The following SNX29 variants were observed in gnomAD, a reference collection of about 807,000 sequenced individuals.
SNX29 encodes the protein sorting nexin 29.
A neutral mutation model predicts 102.1 loss-of-function variants in SNX29; 78 were observed. The ratio of observed to expected loss-of-function variants is 0.76; its 90% CI spans 0.64 to 0.92. The LOEUF is 0.92. Ranked by LOEUF, SNX29 falls within the 40% of genes least tolerant of loss-of-function variation. The pLI is 0.00. For missense variants in SNX29, 1,280 were observed against 1,061.7 expected (o/e 1.21, Z -2.86); for synonymous variants, 580 against 414.5 (o/e 1.40, Z -4.85).
chr16:12,398,573 GA>G, intron 17 of SNX29, 72 bp downstream of exon 17: 1 of 1,539,274 alleles, frequency 6.5e-7, no homozygotes, highest in Non-Finnish European at 9.0e-7. Context: ...TGTCCCAGAA[GA>G]CCACAGGGGG....
chr16:12,509,002 C>G (rs1224706673), intron 19 of SNX29, among the ~76,000 whole-genome samples: 1 of 152,134 alleles, frequency 6.6e-6, no homozygotes, highest in Non-Finnish European at 1.5e-5. Flanking sequence ...CCGCTCAGTT[C>G]CCGGCATCCA....
chr16:12,436,356 G>T (rs1351603286), intron 18 of SNX29, among the ~76,000 whole-genome samples: 1 of 152,222 alleles, frequency 6.6e-6, no homozygotes, highest in East Asian at 1.9e-4. Context: ...ACCGTTTTTA[G>T]TACCAGGAGA....
intron 14 of SNX29, among the ~76,000 whole-genome samples, chr16:12,262,184 G>A (rs886212674): frequency 6.6e-6 from 1 of 152,242 alleles, no homozygotes; most frequent in Non-Finnish European, 1.5e-5. Flanking sequence ...ACGTGTCCCA[G>A]CTCTGCTTTG....
chr16:12,183,909 A>C (rs1051598538), intron 13 of SNX29, among the ~76,000 whole-genome samples: 1 of 152,200 alleles, frequency 6.6e-6, no homozygotes, highest in Non-Finnish European at 1.5e-5. Context: ...ACAGTTTACA[A>C]ATGCCATGGC....
chr16:12,200,940 A>G (rs2076900432), intron 14 of SNX29, among the ~76,000 whole-genome samples: 1 of 152,212 alleles, frequency 6.6e-6, no homozygotes, highest in Non-Finnish European at 1.5e-5. Flanking sequence ...CAGAGTTTCT[A>G]GTATGGTACC....
intron 19 of SNX29, among the ~76,000 whole-genome samples, chr16:12,505,714 T>G (rs2089342189): frequency 6.9e-6 from 1 of 144,212 alleles, no homozygotes; most frequent in Non-Finnish European, 1.5e-5. Context: ...TTGGCTTCTC[T>G]GGGTTCCTTA....
chr16:12,221,976 T>C (rs2077490852), intron 14 of SNX29, among the ~76,000 whole-genome samples: 1 of 152,242 alleles, frequency 6.6e-6, no homozygotes. Flanking sequence ...CCCTTCTCCC[T>C]GCCTTGGAAC....
chr16:12,549,624 C>T (rs547836610), intron 20 of SNX29, among the ~76,000 whole-genome samples: 53 of 152,358 alleles, frequency 3.5e-4, no homozygotes, highest in Middle Eastern at 3.4e-3. Flanking sequence ...GCCCTCCACA[C>T]GCTCTGTAAA....
At position 12,574,137 on chromosome 16, in the gene SNX29, A is replaced by AT. The variant is rs995112727; in HGVS notation, c.*5513dup. ...CTTATGTTAAGGTTTACATAATAGG[A>AT]TTTTTAAACAAATGTGTTTAATTTT... On this transcript the variant is annotated 3_prime_UTR_variant, in exon 21 of 21. Coordinates refer to ENST00000566228, the MANE Select transcript of SNX29 (RefSeq NM_032167.5). 5.5e-6 allele frequency: 1 copy of AT among 183,026 alleles called. No homozygotes were observed. The highest frequency in any genetic ancestry group is 2.4e-5 in the African/African-American group (1 of 42,544). 11.3% of individuals were successfully genotyped at this position (183,026 alleles called of 1,614,324 possible). A position where few individuals can be genotyped will look rare whatever the true frequency, so the allele number is the denominator to read the frequency against.
At chr16:12,490,438 A>G (rs1567617084) in intron 19 of SNX29, among the ~76,000 whole-genome samples, 1 of 152,180 alleles carries the variant, frequency 6.6e-6, no homozygotes, top group Non-Finnish European at 1.5e-5. Context: ...CAGTTTATTT[A>G]TCTTTTACTA....
At chr16:12,328,105 C>T (rs992932073) in intron 15 of SNX29, among the ~76,000 whole-genome samples, 1 of 152,188 alleles carries the variant, frequency 6.6e-6, no homozygotes. Flanking sequence ...TGGAGCTGCA[C>T]ATACCTCTCC....
chr16:12,527,404 A>G (rs955571080), intron 20 of SNX29: 1 of 462,710 alleles, frequency 2.2e-6, no homozygotes, highest in Non-Finnish European at 4.1e-6. Flanking sequence ...TAAACCCCCA[A>G]AGCATAATTA....
chr16:12,540,736 C>T (rs957157949), intron 20 of SNX29, among the ~76,000 whole-genome samples: 2 of 152,182 alleles, frequency 1.3e-5, no homozygotes, highest in East Asian at 1.9e-4. Flanking sequence ...GCTGGGCATC[C>T]TTGGGGCACC....
At chr16:12,123,786 G>C (rs896383968) in intron 11 of SNX29, among the ~76,000 whole-genome samples, 1 of 152,158 alleles carries the variant, frequency 6.6e-6, no homozygotes, top group African/African-American at 2.4e-5. Flanking sequence ...GCTGGCAAAT[G>C]TTTTCTGGAA....
At chr16:12,554,139 C>T (rs1229002770) in intron 20 of SNX29, among the ~76,000 whole-genome samples, 1 of 152,198 alleles carries the variant, frequency 6.6e-6, no homozygotes, top group African/African-American at 2.4e-5. Flanking sequence ...GGATGCTTTG[C>T]TCTTTACTGT....
chr16:12,505,156 T>A (rs1034204891), intron 19 of SNX29, among the ~76,000 whole-genome samples: 17 of 152,226 alleles, frequency 1.1e-4, no homozygotes, highest in African/African-American at 4.1e-4. Context: ...TGAATGTTTT[T>A]GGGTGGACAA....
chr16:12,564,237 A>T lies in SNX29; in HGVS notation c.2319-4269A>T, dbSNP rs186431725. Among the ~76,000 whole-genome samples the T allele has an allele frequency of 1.4e-3, 211 of 152,260 alleles. 2 individuals carry two copies. The highest frequency in any genetic ancestry group is 0.01 in the Middle Eastern group (3 of 292). On this transcript the variant is annotated intron_variant, in intron 20 of 20. Coordinates refer to ENST00000566228, the MANE Select transcript of SNX29 (RefSeq NM_032167.5). ...ACCCCCACATCTCTAAGAGAAAAAAATCTCTACTCAGTTCCTTTGGTATAT... is the reference window on the plus strand; with the variant it reads ...ACCCCCACATCTCTAAGAGAAAAAATTCTCTACTCAGTTCCTTTGGTATAT...
intron 15 of SNX29, among the ~76,000 whole-genome samples, chr16:12,297,848 CT>C (rs1028092714): frequency 1.3e-5 from 2 of 152,188 alleles, no homozygotes; most frequent in African/African-American, 4.8e-5. Flanking sequence ...CTGAACCTCA[CT>C]TTTCCCCTCC....
chr16:12,287,150 G>T (rs1448323090), intron 15 of SNX29, among the ~76,000 whole-genome samples: 1 of 152,158 alleles, frequency 6.6e-6, no homozygotes, highest in Non-Finnish European at 1.5e-5. Flanking sequence ...TTGGCTCTCT[G>T]CCTTGACTTC....
Sources: allele counts gnomAD v4.1 joint callset (sites outside exome capture counted in the v4.1 genomes callset), GRCh38; gene constraint gnomAD v4.1.1; transcripts MANE v1.5; gene names NCBI Gene and HGNC (gene_info 2026-07-23, HGNC 2026-07-21).